The following PAM variants were observed in gnomAD, a reference collection of about 807,000 sequenced individuals.
PAM encodes peptidylglycine alpha-amidating monooxygenase, also known as peptidyl-glycine alpha-amidating monooxygenase.
PAM carries 72 observed loss-of-function variants against 122.1 expected under a neutral mutation model. The observed-to-expected ratio is 0.59, with a 90% CI of 0.49 to 0.72. The LOEUF (loss-of-function observed/expected upper bound fraction) is 0.72, where lower values mean the gene tolerates loss of function less well. Among genes scored for constraint, PAM ranks in the 30% least tolerant of loss-of-function variants. The probability of loss-of-function intolerance (pLI) is 0.00; values close to 1 mark genes in which losing one functional copy is unlikely to be tolerated. For synonymous variants in PAM, 389 were observed against 404.4 expected (o/e 0.96, Z 0.46); for missense variants, 1,106 against 1,183.7 (o/e 0.93, Z 0.96).
chr5:102,995,311 C>T (rs1055347283), intron 16 of PAM, among the ~76,000 whole-genome samples: 2 of 152,044 alleles, frequency 1.3e-5, no homozygotes, highest in Non-Finnish European at 1.5e-5. Context: ...CACACTTTAC[C>T]GGAGCCTTTT....
intron 7 of PAM, among the ~76,000 whole-genome samples, chr5:102,931,606 T>C (rs1751533742): frequency 1.3e-5 from 2 of 152,150 alleles, no homozygotes; most frequent in African/African-American, 4.8e-5. Flanking sequence ...CAATAACTCA[T>C]TTCTCAAATT....
chr5:102,775,061 TTATGA>T (rs1391275210), intron 1 of PAM, among the ~76,000 whole-genome samples: 4 of 152,036 alleles, frequency 2.6e-5, no homozygotes, highest in African/African-American at 9.7e-5. Context: ...TTTATATATG[TTATGA>T]TATATTATCT....
rs143987973 is a variant in PAM, at chr5:102,899,721, T to C, written c.211-1635T>C. 5.2e-4 allele frequency among the ~76,000 whole-genome samples: 79 copies of C among 151,758 alleles called. No individual in the cohort carries two copies. In the East Asian group the frequency reaches 0.014, roughly 27 times the overall value. ...GCCAACACCACTTAAAGTGGTAAAA[T>C]AGATTTTATTCAGTAGTTACTATTG... is the stretch of plus-strand genomic sequence containing the variant. On this transcript the variant is annotated intron_variant, in intron 3 of 25. Coordinates refer to ENST00000438793, the MANE Select transcript of PAM (RefSeq NM_001177306.2).
At chr5:102,827,108 T>C (rs374565722) in intron 1 of PAM, among the ~76,000 whole-genome samples, 14 of 152,246 alleles carry the variant, frequency 9.2e-5, no homozygotes, top group African/African-American at 3.4e-4. Flanking sequence ...GAACTGTTTG[T>C]GGTTCTTCTC....
At chr5:102,803,137 G>C (rs370727453) in intron 1 of PAM, among the ~76,000 whole-genome samples, 2,707 of 127,826 alleles carry the variant, frequency 0.021, 98 homozygotes, top group East Asian at 0.12. Context: ...AAAAAAGAAA[G>C]AAAGAAAGAA....
chr5:103,009,894 A>G (rs1032707844), intron 21 of PAM, 28 bp downstream of exon 21: 11 of 1,186,110 alleles, frequency 9.3e-6, no homozygotes, highest in Admixed American at 4.4e-5. Context: ...CTAGGTTTCA[A>G]TTTTCATGAG....
chr5:102,901,493 G>T (rs891375139), intron 4 of PAM, 80 bp downstream of exon 4: 4 of 795,804 alleles, frequency 5.0e-6, no homozygotes, highest in East Asian at 2.5e-5. Flanking sequence ...CTCTTTGAGG[G>T]TTATGAGCAT....
At chr5:103,007,247 C>T (rs1779302580) in intron 19 of PAM, among the ~76,000 whole-genome samples, 1 of 149,206 alleles carries the variant, frequency 6.7e-6, no homozygotes, top group Non-Finnish European at 1.5e-5. Context: ...ATAATGTATC[C>T]ACCAAACAAC....
chr5:102,762,111 G>T (rs1003658850), intron 1 of PAM, among the ~76,000 whole-genome samples: 5 of 152,098 alleles, frequency 3.3e-5, no homozygotes, highest in Non-Finnish European at 5.9e-5. Flanking sequence ...TCTTATTTTT[G>T]TAGGGGTAGA....
At chr5:102,901,273 C>T in intron 3 of PAM, 83 bp from the exon 4 acceptor site, 1 of 804,604 alleles carries the variant, frequency 1.2e-6, no homozygotes, top group Non-Finnish European at 2.1e-6. Flanking sequence ...TTTTTACAGT[C>T]ATAGAAGCCA....
chr5:102,773,565 A>T (rs1264831272), intron 1 of PAM, among the ~76,000 whole-genome samples: 1 of 152,102 alleles, frequency 6.6e-6, no homozygotes, highest in Non-Finnish European at 1.5e-5. Flanking sequence ...TAAAAAATGT[A>T]AAAAAACATT....
intron 12 of PAM, among the ~76,000 whole-genome samples, chr5:102,956,704 T>G (rs542698715): frequency 2.4e-4 from 37 of 152,188 alleles, no homozygotes; most frequent in African/African-American, 8.2e-4. Flanking sequence ...TATAATTTTC[T>G]TTTGTTTTTT....
At chr5:102,755,183 CT>C (rs1391505792), upstream of PAM, 1 of 152,454 alleles carries the variant, frequency 6.6e-6, no homozygotes, top group Non-Finnish European at 1.5e-5. Flanking sequence ...GCGGACCCGG[CT>C]GGGCCCGGCG....
intron 1 of PAM, among the ~76,000 whole-genome samples, chr5:102,864,312 C>T (rs1228632181): frequency 6.6e-6 from 1 of 151,790 alleles, no homozygotes; most frequent in East Asian, 1.9e-4. Flanking sequence ...AGAAGGAGTT[C>T]TTTCCTTTAC....
chr5:102,961,350 T>TG, intron 14 of PAM, 121 bp downstream of exon 14: 1 of 595,328 alleles, frequency 1.7e-6, no homozygotes, highest in Non-Finnish European at 3.1e-6. Context: ...CACTATGTAT[T>TG]GCTATTTTTA....
At chr5:102,767,199 A>G (rs1022591264) in intron 1 of PAM, among the ~76,000 whole-genome samples, 2 of 151,900 alleles carry the variant, frequency 1.3e-5, no homozygotes, top group Non-Finnish European at 2.9e-5. Flanking sequence ...TTAATATTAT[A>G]TACATTTTTT....
At chr5:102,803,484 G>A (rs1765436390) in intron 1 of PAM, among the ~76,000 whole-genome samples, 1 of 152,110 alleles carries the variant, frequency 6.6e-6, no homozygotes, top group East Asian at 1.9e-4. Context: ...TTCACTGTGA[G>A]GGAATGGGAG....
intron 15 of PAM, among the ~76,000 whole-genome samples, chr5:102,986,538 T>A (rs1771884107): frequency 6.6e-6 from 1 of 152,132 alleles, no homozygotes; most frequent in African/African-American, 2.4e-5. Context: ...ATGAAAGATC[T>A]CTTCAGGAAC....
At chr5:102,956,447 A>G (rs1760779404) in intron 12 of PAM, among the ~76,000 whole-genome samples, 1 of 152,138 alleles carries the variant, frequency 6.6e-6, no homozygotes, top group Non-Finnish European at 1.5e-5. Context: ...TTTCTCAAAT[A>G]TGCTATTTAA....
Sources: allele counts gnomAD v4.1 joint callset (sites outside exome capture counted in the v4.1 genomes callset), GRCh38; gene constraint gnomAD v4.1.1; transcripts MANE v1.5; gene names NCBI Gene and HGNC (gene_info 2026-07-23, HGNC 2026-07-21).